The following RASA3 variants were observed in gnomAD, a reference collection of about 807,000 sequenced individuals.
RASA3 encodes the protein RAS p21 protein activator 3.
RASA3 carries 73 observed loss-of-function variants against 110.0 expected under a neutral mutation model. The ratio of observed to expected loss-of-function variants is 0.66; its 90% confidence interval spans 0.55 to 0.81. The LOEUF (loss-of-function observed/expected upper bound fraction) is 0.81. Among genes scored for constraint, RASA3 ranks in the 30% least tolerant of loss-of-function variants. RASA3 has a pLI of 0.00. For synonymous variants in RASA3, 500 were observed against 451.4 expected, an observed-to-expected ratio of 1.11 and a Z score of -1.37; for missense variants, 976 against 1,113.2, an observed-to-expected ratio of 0.88 and a Z score of 1.75.
chr13:114,093,562 C>A lies in RASA3; in HGVS notation c.56-19725G>T, dbSNP rs7332321. On this transcript the variant is annotated intron_variant, in intron 1 of 23. Transcript: ENST00000334062. ...TATTTGGGTTGAATCTGATTGGTGA[C>A]CTTTGACCTTCCTGTACCTGAATAT... is the stretch of plus-strand genomic sequence containing the variant. Among the ~76,000 whole-genome samples, 103 of 151,978 alleles carry A rather than the reference C, an allele frequency of 6.8e-4. 1 individual carries two copies. The highest frequency in any genetic ancestry group is 1.3e-3 in the Non-Finnish European group (85 of 67,996).
rs909410212 is a variant in RASA3 at position 113,981,590 on chromosome 13, C to T, written c.2429+85G>A. 4.3e-5 allele frequency: 64 copies of T among 1,488,580 alleles called. 1 individual carries two copies. The highest frequency in any genetic ancestry group is 1.4e-4 in the East Asian group (6 of 43,808). The allele number at this position is 1,488,580 out of a possible 1,614,324, so 92.2% of individuals were successfully genotyped here. On this transcript the variant is annotated intron_variant, in intron 23 of 23. Coordinates refer to ENST00000334062, the MANE Select transcript of RASA3 (RefSeq NM_007368.4). ...ACACCTGAGCACGGGCGGCCCCACC[C>T]GGGAGCTCCCTGCAGCCCCACCCCC...
chr13:114,030,436 G>GGAGGCAAGA (rs1566501569), intron 4 of RASA3, among the ~76,000 whole-genome samples: 1 of 114,030 alleles, frequency 8.8e-6, no homozygotes, highest in African/African-American at 3.2e-5. Flanking sequence ...AGAGGGCAAG[G>GGAGGCAAGA]CTCACACAGA....
chr13:113,998,878 C>T (rs1594293847), intron 20 of RASA3, among the ~76,000 whole-genome samples: 1 of 152,222 alleles, frequency 6.6e-6, no homozygotes, highest in Non-Finnish European at 1.5e-5. Context: ...GAACCACAGC[C>T]GGAAGAACGG....
At chr13:114,059,608 G>C (rs961290446) in intron 2 of RASA3, among the ~76,000 whole-genome samples, 2 of 152,248 alleles carry the variant, frequency 1.3e-5, no homozygotes, top group African/African-American at 2.4e-5. Flanking sequence ...GAGGGCGCTC[G>C]GCTGGGGAAG....
chr13:114,119,614 A>G (rs2080340112), intron 1 of RASA3, among the ~76,000 whole-genome samples: 1 of 78,882 alleles, frequency 1.3e-5, no homozygotes, highest in Admixed American at 1.6e-4. Flanking sequence ...CCAGGCGTCG[A>G]TCAGGGCCCC....
rs2079428733 is a variant in RASA3, at chr13:114,065,351, G to C, written c.173+8369C>G. On this transcript the variant is annotated intron_variant, in intron 2 of 23. Transcript: ENST00000334062. This position sits in a 1 kb window ranked among gnomAD's most constrained non-coding sequence, Gnocchi z 4.1. ...CGGGGCCCATTTCCCAAACGCTGGG[G>C]GGAGCCGGGAGCTGCCAGGGCTGCC... 6.6e-6 allele frequency among the ~76,000 whole-genome samples: 1 copy of C among 152,222 alleles called. No homozygotes were observed. Among genetic ancestry groups the C allele is most frequent in the Admixed American group, 6.5e-5 (1 of 15,290 alleles).
At chr13:114,026,348 G>T (rs1036390568) in intron 7 of RASA3, among the ~76,000 whole-genome samples, 1 of 152,244 alleles carries the variant, frequency 6.6e-6, no homozygotes, top group Non-Finnish European at 1.5e-5. Flanking sequence ...CCCCCTGGGA[G>T]CCTGGCAGCT....
At chr13:114,087,502 G>A (rs1186088954) in intron 1 of RASA3, among the ~76,000 whole-genome samples, 1 of 152,244 alleles carries the variant, frequency 6.6e-6, no homozygotes, top group Admixed American at 6.5e-5. Context: ...TTTGAAATGA[G>A]CAAGTTTCCA....
At chr13:114,129,487 A>G (rs1038920881) in intron 1 of RASA3, among the ~76,000 whole-genome samples, 1 of 152,180 alleles carries the variant, frequency 6.6e-6, no homozygotes, top group African/African-American at 2.4e-5. Context: ...ATTTTTCCCA[A>G]TGTCAACGTC....
intron 1 of RASA3, among the ~76,000 whole-genome samples, chr13:114,076,449 A>T (rs2079683055): frequency 6.6e-6 from 1 of 151,584 alleles, no homozygotes; most frequent in Non-Finnish European, 1.5e-5. Context: ...ATGTCAGAAG[A>T]CAGGCTTTCC....
chr13:114,018,891 T>A lies in RASA3; in HGVS notation c.814A>T (p.Ser272Cys), dbSNP rs2053853640. ...AGGTCGTCTGGCTTTAGGCTCTTGC[T>A]ACCATTGTCCCGGGGCTGGAGGAAG... ...WYFLQPRDNG[S>C]KSLKPDDLGS... Residue 272 changes from serine (S) to cysteine (C), a missense_variant, in exon 10 of 24, where the codon AGC becomes TGC. Physicochemically the swap from Ser to Cys is moderately radical, Grantham distance 112. This residue lies in a region of RASA3 where 732 missense variants were observed against 779.7 expected (regional missense o/e 0.94). Transcript: ENST00000334062. 6.2e-7 allele frequency: 1 copy of A among 1,613,758 alleles called. No homozygotes were observed.
intron 1 of RASA3, among the ~76,000 whole-genome samples, chr13:114,091,801 G>A (rs2079892156): frequency 1.3e-5 from 2 of 152,034 alleles, no homozygotes; most frequent in Admixed American, 1.3e-4. Context: ...TTCTTTAAAT[G>A]TTTGAATGAT....
chr13:114,017,621 C>T (rs569065235), intron 11 of RASA3, among the ~76,000 whole-genome samples: 6 of 152,358 alleles, frequency 3.9e-5, no homozygotes, highest in South Asian at 2.1e-4. Context: ...TTCGCCCTCC[C>T]GCCCTCTCCC....
chr13:114,042,417 G>A lies in RASA3; in HGVS notation c.278-1323C>T, dbSNP rs143985282. On this transcript the variant is annotated intron_variant, in intron 3 of 23. Transcript: ENST00000334062. The stretch of plus-strand genomic sequence containing the variant: ...TCTGAGCCCATCACAGAGCACACAC[G>A]AGAGCAGGAGTGAGGAAGGAAATGT... 1.7e-3 allele frequency among the ~76,000 whole-genome samples: 255 copies of A among 152,410 alleles called. 2 individuals are homozygous for A. Among genetic ancestry groups the A allele is most frequent in the African/African-American group, 6.0e-3 (251 of 41,602 alleles).
chr13:114,126,888 C>G (rs776561310), intron 1 of RASA3, among the ~76,000 whole-genome samples: 1 of 152,206 alleles, frequency 6.6e-6, no homozygotes, highest in East Asian at 1.9e-4. Flanking sequence ...GTGGCCAGCA[C>G]GCAGTCTCGG....
chr13:114,096,431 G>C lies in RASA3; in HGVS notation c.56-22594C>G, dbSNP rs1221002149. On this transcript the variant is annotated intron_variant, in intron 1 of 23. Transcript: ENST00000334062. This position sits in a 1 kb window ranked among gnomAD's most constrained non-coding sequence, Gnocchi z 5.1. ...CCTGTGCATTGCCCATCTGTGAGCC[G>C]ACCTCCTGCCTGAAGCCACCTTCTC... Among the ~76,000 whole-genome samples, 1 of 152,064 alleles carries C rather than the reference G, an allele frequency of 6.6e-6. No individual in the cohort carries two copies. The highest frequency in any genetic ancestry group is 2.4e-5 in the African/African-American group (1 of 41,382).
intron 16 of RASA3, among the ~76,000 whole-genome samples, chr13:114,009,821 G>C (rs1185983213): frequency 3.9e-5 from 6 of 152,256 alleles, no homozygotes; most frequent in Non-Finnish European, 8.8e-5. Context: ...TCATAGGCCA[G>C]GGTCCCAGAG....
chr13:114,109,709 T>A (rs1187070552), intron 1 of RASA3, among the ~76,000 whole-genome samples: 1 of 152,174 alleles, frequency 6.6e-6, no homozygotes, highest in African/African-American at 2.4e-5. Flanking sequence ...TGTGCACACC[T>A]GGAGACCAGG....
chr13:114,108,962 C>G (rs552833717), intron 1 of RASA3: 1 of 152,370 alleles, frequency 6.6e-6, no homozygotes. Flanking sequence ...GCCGTGGGCT[C>G]CCGGCGGACG....
Sources: gnomAD v4.1 joint callset for allele counts (sites outside exome capture counted in the v4.1 genomes callset) on GRCh38, gnomAD v4.1.1 for gene constraint, gnomAD v4.1.1 regional missense constraint, Gnocchi (gnomAD v3.1) non-coding constraint, MANE v1.5 for transcripts, NCBI Gene and HGNC (gene_info 2026-07-23, HGNC 2026-07-21) for gene names.